Variants in COP1 observed in about 807,000 individuals in gnomAD.
COP1 encodes COP1 E3 ubiquitin ligase, also known as E3 ubiquitin-protein ligase COP1.
A neutral mutation model predicts 101.3 loss-of-function variants in COP1; 24 were observed. That is an observed-to-expected ratio of 0.24 (90% CI 0.17 to 0.33). COP1 has a LOEUF of 0.33. Among genes scored for constraint, COP1 ranks in the 10% least tolerant of loss-of-function variants. The pLI is 1.00. For missense variants in COP1, 663 were observed against 906.2 expected (o/e 0.73, Z 3.45); for synonymous variants, 347 against 341.9 (o/e 1.01, Z -0.17).
In COP1 at chr1:176,095,385, G is replaced by C. The variant is rs148440506; in HGVS notation, c.1027-9495C>G. ...GGACAAAGCTATGTTCTTAAAAATA[G>C]TAAGATGTTATTTGCAGCCTGGTGT... On this transcript the variant is annotated intron_variant, in intron 9 of 19. Coordinates refer to ENST00000367669, the MANE Select transcript of COP1 (RefSeq NM_022457.7). Among the ~76,000 whole-genome samples the C allele has an allele frequency of 1.9e-3, 291 of 152,290 alleles. 3 individuals are homozygous for C. Among genetic ancestry groups the C allele is most frequent in the African/African-American group, 6.8e-3 (281 of 41,568 alleles).
chr1:175,952,457 C>A (rs1217248643), intron 18 of COP1, among the ~76,000 whole-genome samples: 2 of 151,434 alleles, frequency 1.3e-5, no homozygotes, highest in African/African-American at 4.8e-5. Flanking sequence ...AACAAGAAAG[C>A]CATCCATTGA....
chr1:176,158,291 A>G (rs1693778540), intron 5 of COP1, among the ~76,000 whole-genome samples: 1 of 152,194 alleles, frequency 6.6e-6, no homozygotes, highest in Non-Finnish European at 1.5e-5. Flanking sequence ...TTTTATACTT[A>G]TATGGAGTAC....
chr1:176,162,371 T>C (rs909815585), intron 5 of COP1, among the ~76,000 whole-genome samples: 2 of 152,206 alleles, frequency 1.3e-5, no homozygotes, highest in African/African-American at 4.8e-5. Flanking sequence ...TTACGTAAAA[T>C]AAATGGAATT....
intron 15 of COP1, among the ~76,000 whole-genome samples, chr1:176,007,077 A>T (rs929033370): frequency 7.0e-4 from 107 of 151,948 alleles, no homozygotes; most frequent in East Asian, 2.9e-3. Context: ...TAAACTTCCC[A>T]TCTCGCTTCA....
At chr1:176,125,877 T>G (rs1687907818) in intron 8 of COP1, among the ~76,000 whole-genome samples, 1 of 152,176 alleles carries the variant, frequency 6.6e-6, no homozygotes, top group South Asian at 2.1e-4. Context: ...TTTCCAGTTT[T>G]TTGTGTCTTC....
At chr1:175,967,048 C>A (rs1358618607) in intron 18 of COP1, among the ~76,000 whole-genome samples, 1 of 152,268 alleles carries the variant, frequency 6.6e-6, no homozygotes, top group East Asian at 1.9e-4. Context: ...TCCTTCCTTA[C>A]AAAATCTTAA....
chr1:175,949,018 C>T (rs1293984077), intron 18 of COP1, among the ~76,000 whole-genome samples: 1 of 151,400 alleles, frequency 6.6e-6, no homozygotes, highest in Non-Finnish European at 1.5e-5. Flanking sequence ...AAAAAATTAG[C>T]TTGGCGTGGT....
At chr1:176,030,633 T>C (rs1460782299) in intron 14 of COP1, among the ~76,000 whole-genome samples, 1 of 152,170 alleles carries the variant, frequency 6.6e-6, no homozygotes, top group East Asian at 1.9e-4. Flanking sequence ...ATTTTCAATA[T>C]ATAAGATATT....
chr1:176,105,468 G>A (rs1684153258), intron 9 of COP1, among the ~76,000 whole-genome samples: 2 of 152,090 alleles, frequency 1.3e-5, no homozygotes, highest in African/African-American at 2.4e-5. Flanking sequence ...AGTTACATTG[G>A]TTTTCTCAGC....
At chr1:176,007,602 C>T (rs534155426) in intron 15 of COP1, among the ~76,000 whole-genome samples, 1 of 151,604 alleles carries the variant, frequency 6.6e-6, no homozygotes, top group Non-Finnish European at 1.5e-5. Flanking sequence ...AATACCCTGC[C>T]GTGTGAGATG....
intron 15 of COP1, among the ~76,000 whole-genome samples, chr1:175,995,508 A>G (rs921047121): frequency 2.0e-5 from 3 of 152,240 alleles, no homozygotes; most frequent in African/African-American, 4.8e-5. Flanking sequence ...AGCAAGACTA[A>G]TAAAGAAGAA....
At chr1:175,993,832 C>T (rs1659352349) in intron 15 of COP1, among the ~76,000 whole-genome samples, 1 of 152,136 alleles carries the variant, frequency 6.6e-6, no homozygotes, top group African/African-American at 2.4e-5. Flanking sequence ...AGGATATTAT[C>T]CAGGAGAACT....
intron 1 of COP1, among the ~76,000 whole-genome samples, chr1:176,195,078 C>T (rs555068418): frequency 6.7e-6 from 1 of 150,050 alleles, no homozygotes; most frequent in South Asian, 2.1e-4. Flanking sequence ...CAGAGTGAGA[C>T]CCTGTCTCAA....
intron 11 of COP1, among the ~76,000 whole-genome samples, chr1:176,061,260 A>G (rs903515684): frequency 6.6e-6 from 1 of 152,264 alleles, no homozygotes; most frequent in Non-Finnish European, 1.5e-5. Context: ...TTAAACAAAG[A>G]TGCCAACAGG....
chr1:176,010,699 C>G (rs1664506710), intron 15 of COP1, among the ~76,000 whole-genome samples: 1 of 152,196 alleles, frequency 6.6e-6, no homozygotes, highest in Admixed American at 6.5e-5. Context: ...GAATCTGTCT[C>G]TCTTATTTCA....
chr1:176,119,324 T>C (rs1022556613), intron 8 of COP1, among the ~76,000 whole-genome samples: 1 of 152,178 alleles, frequency 6.6e-6, no homozygotes, highest in East Asian at 1.9e-4. Context: ...ACAGAACATT[T>C]CCAGCTATGC....
chr1:175,972,308 C>T (rs12411139), intron 18 of COP1, among the ~76,000 whole-genome samples: 8,848 of 152,140 alleles, frequency 0.058, 375 homozygotes, highest in Middle Eastern at 0.12. Context: ...AAACTATCTA[C>T]AAATATTGAA....
intron 19 of COP1, 78 bp downstream of exon 19, chr1:175,947,117 C>G: frequency 2.0e-6 from 2 of 978,422 alleles, no homozygotes; most frequent in Non-Finnish European, 3.3e-6. Context: ...AGGCTCAGTA[C>G]AATGGTGTAT....
chr1:175,993,963 T>A (rs937889772), intron 15 of COP1, among the ~76,000 whole-genome samples: 1 of 151,776 alleles, frequency 6.6e-6, no homozygotes, highest in Non-Finnish European at 1.5e-5. Flanking sequence ...AAAGTTGAAA[T>A]GAAGGAAAAA....
Sources: allele counts gnomAD v4.1 joint callset (sites outside exome capture counted in the v4.1 genomes callset), GRCh38; gene constraint gnomAD v4.1.1; transcripts MANE v1.5; gene names NCBI Gene and HGNC (gene_info 2026-07-23, HGNC 2026-07-21).